Variants in CNTNAP4 observed in about 807,000 individuals in gnomAD.
CNTNAP4 encodes contactin associated protein family member 4.
CNTNAP4 carries 98 observed loss-of-function variants against 148.4 expected under a neutral mutation model. The observed-to-expected ratio is 0.66, with a 90% CI of 0.56 to 0.78. CNTNAP4 has a LOEUF of 0.78. CNTNAP4 is among the 30% of genes least tolerant of loss of function. The pLI, the probability that CNTNAP4 is intolerant of heterozygous loss-of-function variation, is 0.00. For missense variants in CNTNAP4, 1,935 were observed against 1,565.6 expected (o/e 1.24, Z -3.98); for synonymous variants, 730 against 565.1 (o/e 1.29, Z -4.14).
In CNTNAP4 at chr16:76,318,740, A is replaced by C. The variant is rs143850129; in HGVS notation, c.196+2217A>C. 6.5e-3 allele frequency among the ~76,000 whole-genome samples: 949 copies of C among 145,870 alleles called. 7 individuals carry two copies. The highest frequency in any genetic ancestry group is 0.023 in the African/African-American group (918 of 39,714). ...GAGAATAAATTAATTATTTTTATTA[A>C]TAATAATCATAATAATATTCATAAT... On this transcript the variant is annotated intron_variant, in intron 2 of 23. Transcript: ENST00000611870.
intron 1 of CNTNAP4, among the ~76,000 whole-genome samples, chr16:76,296,443 A>G (rs146375124): frequency 3.3e-5 from 5 of 152,342 alleles, no homozygotes; most frequent in African/African-American, 9.6e-5. Flanking sequence ...TTATGTATTT[A>G]TCATTGGATG....
rs2080123315 is a variant in CNTNAP4, at chr16:76,443,539, T to G, written c.539-4473T>G. Among the ~76,000 whole-genome samples the G allele has an allele frequency of 2.6e-5, 4 of 152,168 alleles. No individual in the cohort carries two copies. The South Asian group carries it at 8.3e-4, about 32-fold the overall frequency. On this transcript the variant is annotated intron_variant, in intron 4 of 23. Transcript: ENST00000611870. The stretch of plus-strand genomic sequence containing the variant: ...CTCGGAGGTCAGGGCTGCAGTGAGC[T>G]GAGATTATGCCATTGCACTCCAGCC...
At chr16:76,331,615 A>C (rs963770332) in intron 2 of CNTNAP4, among the ~76,000 whole-genome samples, 1 of 151,710 alleles carries the variant, frequency 6.6e-6, no homozygotes, top group Admixed American at 6.6e-5. Context: ...AAAAACCTCT[A>C]CTTTTGTATC....
chr16:76,291,840 G>T (rs576568330), intron 1 of CNTNAP4, among the ~76,000 whole-genome samples: 1 of 152,310 alleles, frequency 6.6e-6, no homozygotes, highest in African/African-American at 2.4e-5. Flanking sequence ...TGGGACAGAT[G>T]CTTGCCATAC....
chr16:76,463,317 TAA>T (rs2081052657), intron 9 of CNTNAP4, among the ~76,000 whole-genome samples: 1 of 152,140 alleles, frequency 6.6e-6, no homozygotes, highest in African/African-American at 2.4e-5. Flanking sequence ...TGATGCAAAA[TAA>T]AAGACTGGAT....
chr16:76,525,939 A>T (rs1393044914), intron 17 of CNTNAP4, among the ~76,000 whole-genome samples: 1 of 151,134 alleles, frequency 6.6e-6, no homozygotes, highest in Non-Finnish European at 1.5e-5. Flanking sequence ...CATATAGTTC[A>T]TATATGGTTA....
chr16:76,405,431 T>C (rs2078569169), intron 3 of CNTNAP4, among the ~76,000 whole-genome samples: 5 of 152,220 alleles, frequency 3.3e-5, no homozygotes, highest in Admixed American at 3.3e-4. Context: ...GGAAAATTCA[T>C]GTATAACCTT....
At chr16:76,286,394 G>A (rs756995217) in intron 1 of CNTNAP4, among the ~76,000 whole-genome samples, 20 of 152,080 alleles carry the variant, frequency 1.3e-4, no homozygotes, top group Non-Finnish European at 2.2e-4. Context: ...CAGTATGTGG[G>A]ATTAAAAATT....
At chr16:76,452,478 T>C in intron 7 of CNTNAP4, 30 bp from the exon 8 acceptor site, 4 of 1,611,196 alleles carry the variant, frequency 2.5e-6, no homozygotes, top group Non-Finnish European at 2.5e-6. Flanking sequence ...AATAACATTC[T>C]GAAAGCTTTT....
intron 2 of CNTNAP4, among the ~76,000 whole-genome samples, chr16:76,347,267 T>C (rs16944274): frequency 0.016 from 2,409 of 152,156 alleles, 80 homozygotes; most frequent in African/African-American, 0.056. Flanking sequence ...CAGTTCCAGC[T>C]TTTTCAGTAG....
intron 2 of CNTNAP4, among the ~76,000 whole-genome samples, chr16:76,338,445 T>C (rs913096312): frequency 5.3e-5 from 8 of 152,146 alleles, no homozygotes; most frequent in African/African-American, 1.9e-4. Context: ...TGCCTCACAT[T>C]GGTTTGCCCT....
In CNTNAP4 at chr16:76,322,582, C is replaced by T. The variant is rs74026706; in HGVS notation, c.196+6059C>T. 4.0e-3 allele frequency among the ~76,000 whole-genome samples: 611 copies of T among 152,224 alleles called. 3 individuals carry two copies. The highest frequency in any genetic ancestry group is 0.014 in the African/African-American group (564 of 41,536). On this transcript the variant is annotated intron_variant, in intron 2 of 23. Coordinates refer to ENST00000611870, the MANE Select transcript of CNTNAP4 (RefSeq NM_033401.5). ...TTCACCACCAAACTTTAATTTCCTA[C>T]GGGAAGAGCAGGGATAACAGTGAGA... is the stretch of plus-strand genomic sequence containing the variant.
chr16:76,500,946 C>T (rs890552809), intron 15 of CNTNAP4, among the ~76,000 whole-genome samples: 7 of 152,116 alleles, frequency 4.6e-5, no homozygotes, highest in Non-Finnish European at 7.3e-5. Flanking sequence ...TTTACATTAA[C>T]ACCACGCCTT....
intron 3 of CNTNAP4, among the ~76,000 whole-genome samples, chr16:76,421,938 G>A (rs749231914): frequency 2.9e-4 from 44 of 152,128 alleles, no homozygotes; most frequent in Admixed American, 2.3e-3. Flanking sequence ...TAACAGTGAC[G>A]TTTTAGAGCT....
chr16:76,450,635 G>C (rs1289947737), intron 7 of CNTNAP4, among the ~76,000 whole-genome samples: 1 of 152,198 alleles, frequency 6.6e-6, no homozygotes, highest in Non-Finnish European at 1.5e-5. Flanking sequence ...ATCACATGTA[G>C]GAAATCTGCA....
chr16:76,391,905 T>C (rs185620854), intron 3 of CNTNAP4, among the ~76,000 whole-genome samples: 1 of 152,338 alleles, frequency 6.6e-6, no homozygotes, highest in East Asian at 1.9e-4. Context: ...AATTGCTCTG[T>C]TCCACAGGAC....
chr16:76,337,943 G>A (rs765829582), intron 2 of CNTNAP4, among the ~76,000 whole-genome samples: 7 of 152,122 alleles, frequency 4.6e-5, no homozygotes, highest in African/African-American at 9.7e-5. Flanking sequence ...CCTGAAGATC[G>A]CTGTTGTTCT....
At chr16:76,497,672 A>G (rs1331015591) in intron 14 of CNTNAP4, among the ~76,000 whole-genome samples, 2 of 148,856 alleles carry the variant, frequency 1.3e-5, no homozygotes, top group Non-Finnish European at 3.0e-5. Context: ...GGGGGGGAAC[A>G]TCACACACTG....
intron 1 of CNTNAP4, among the ~76,000 whole-genome samples, chr16:76,311,318 C>A (rs1265979697): frequency 1.3e-5 from 2 of 152,074 alleles, no homozygotes; most frequent in Non-Finnish European, 2.9e-5. Flanking sequence ...TATATACAAT[C>A]TGCCAGAGAT....
Sources: gnomAD v4.1 joint callset for allele counts (sites outside exome capture counted in the v4.1 genomes callset) on GRCh38, gnomAD v4.1.1 for gene constraint, MANE v1.5 for transcripts, NCBI Gene and HGNC (gene_info 2026-07-23, HGNC 2026-07-21) for gene names.